Variants in TBCE observed in about 807,000 individuals in gnomAD.
The protein encoded by TBCE is tubulin-specific chaperone E.
In TBCE, 53 loss-of-function variants were observed where a neutral mutation model predicts 77.0. The observed-to-expected ratio is 0.69, with a 90% CI of 0.55 to 0.87. The LOEUF (loss-of-function observed/expected upper bound fraction) is 0.87. TBCE is among the 40% of genes least tolerant of loss of function. The pLI, the probability that TBCE is intolerant of heterozygous loss-of-function variation, is 0.00. For missense variants in TBCE, 624 were observed against 622.4 expected (o/e 1.00, Z -0.03); for synonymous variants, 235 against 241.3 (o/e 0.97, Z 0.24).
chr1:235,437,542 T>A, intron 12 of TBCE, 68 bp downstream of exon 12: 1 of 1,580,536 alleles, frequency 6.3e-7, no homozygotes, highest in South Asian at 1.1e-5. Context: ...CCAGGCGCCG[T>A]GGCTCACACC....
intron 1 of TBCE, among the ~76,000 whole-genome samples, chr1:235,378,477 G>A (rs1044077098): frequency 5.3e-5 from 8 of 152,152 alleles, no homozygotes; most frequent in Admixed American, 2.6e-4. Flanking sequence ...GCCTGCCTTG[G>A]CCTCCCAAAG....
At chr1:235,382,308 G>A (rs1463602826) in intron 2 of TBCE, among the ~76,000 whole-genome samples, 85 of 151,406 alleles carry the variant, frequency 5.6e-4, no homozygotes, top group African/African-American at 1.8e-3. Context: ...AGCATGATTT[G>A]TAGTCCTTTG....
In TBCE at chr1:235,450,253, TCCACAGTTCCGTCAGTTC is replaced by T; in HGVS notation, c.*1496_*1513del. On this transcript the variant is annotated 3_prime_UTR_variant, in exon 17 of 17. Coordinates refer to ENST00000642610, the MANE Select transcript of TBCE (RefSeq NM_003193.5). ...GGATCACCGCACCGTTCCTTCAGTT[TCCACAGTTCCGTCAGTTC>T]CCACGGAGAATACTGAGGAGAAGAC... The T allele has an allele frequency of 1.2e-6, 2 of 1,614,172 alleles. No individual in the cohort carries two copies. Among genetic ancestry groups the T allele is most frequent in the Non-Finnish European group, 1.7e-6 (2 of 1,180,006 alleles).
chr1:235,450,103 G>C lies in TBCE; in HGVS notation c.*1341G>C, dbSNP rs548504968. The C allele has an allele frequency of 2.8e-4, 389 of 1,406,174 alleles. 5 individuals are homozygous for C. The South Asian group carries it at 4.6e-3, about 17-fold the overall frequency. 87.1% of individuals were successfully genotyped at this position (1,406,174 alleles called of 1,614,324 possible). ...GAAAGTGCCAGTCTGGAACTCTCTT[G>C]AAAGACCATACAGTCTACTGCTAAA... is the stretch of plus-strand genomic sequence containing the variant. On this transcript the variant is annotated 3_prime_UTR_variant, in exon 17 of 17. Transcript: ENST00000642610.
Position 235,441,799 on chromosome 1 carries a change from T to G in TBCE, c.1271-15T>G, listed in dbSNP as rs910364188. On this transcript the variant is annotated splice_polypyrimidine_tract_variant and intron_variant, in intron 13 of 16. Transcript: ENST00000642610. The stretch of plus-strand genomic sequence containing the variant: ...CCTTTGGTTTATCATTCATCTCTTT[T>G]GCTTTCTTAAACAGAATATGGTGCA... 6.4e-5 allele frequency: 103 copies of G among 1,613,274 alleles called. No individual in the cohort carries two copies. Among genetic ancestry groups the G allele is most frequent in the Non-Finnish European group, 8.6e-5 (102 of 1,179,438 alleles).
chr1:235,448,007 A>C (rs556462897), intron 15 of TBCE, among the ~76,000 whole-genome samples: 6 of 151,986 alleles, frequency 3.9e-5, no homozygotes, highest in African/African-American at 1.2e-4. Flanking sequence ...TCAGGAGTTC[A>C]AGACCAGCCT....
chr1:235,375,808 C>T (rs527819655), intron 1 of TBCE, among the ~76,000 whole-genome samples: 1 of 151,998 alleles, frequency 6.6e-6, no homozygotes, highest in Admixed American at 6.6e-5. Flanking sequence ...TTTGGGAGGC[C>T]GAGATGGGTG....
In TBCE at chr1:235,419,553, C is replaced by G. The variant is rs771313469; in HGVS notation, c.452C>G (p.Ala151Gly). The G allele has an allele frequency of 3.1e-6, 5 of 1,614,034 alleles. No homozygotes were observed. Among genetic ancestry groups the G allele is most frequent in the East Asian group, 4.5e-5 (2 of 44,868 alleles). ...GGTGAAAAAGGAGGAGTTGCTGAAG[C>G]ATGTCCTAGTATCCTTTTCACCGAG... Reference protein sequence around the residue: ...CAGEKGGVAEACPNIRKVDLS... With the variant: ...CAGEKGGVAEGCPNIRKVDLS... Residue 151 changes from alanine to glycine, a missense_variant, in exon 5 of 17, where the codon GCA (alanine) becomes GGA (glycine). Physicochemically the swap from Ala to Gly is moderately conservative, Grantham distance 60. Transcript: ENST00000642610.
chr1:235,447,106 A>AATC (rs1231873899), intron 15 of TBCE, among the ~76,000 whole-genome samples: 1 of 152,204 alleles, frequency 6.6e-6, no homozygotes, highest in Non-Finnish European at 1.5e-5. Context: ...AGTCCGTCTC[A>AATC]ATCTTTTGAA....
chr1:235,434,059 G>A lies in TBCE; in HGVS notation c.661-145G>A, dbSNP rs1681268083. Reference sequence around the variant, plus strand: ...TTATCACCCCCCACCACTATTCCAGGCCTGAAACAGTCTTATGAACTGTCC... The same window carrying A: ...TTATCACCCCCCACCACTATTCCAGACCTGAAACAGTCTTATGAACTGTCC... On this transcript the variant is annotated intron_variant, in intron 7 of 16. Coordinates refer to ENST00000642610, the MANE Select transcript of TBCE (RefSeq NM_003193.5). 4 of 770,290 alleles carry A rather than the reference G, an allele frequency of 5.2e-6. No individual in the cohort carries two copies. The South Asian group carries it at 5.5e-5, about 11-fold the overall frequency. 47.7% of individuals were successfully genotyped at this position (770,290 alleles called of 1,614,324 possible).
intron 3 of TBCE, among the ~76,000 whole-genome samples, chr1:235,412,269 C>T (rs72759722): frequency 0.043 from 1,956 of 45,574 alleles, 170 homozygotes; most frequent in Middle Eastern, 0.083. Flanking sequence ...TTCCATCTGT[C>T]GCCCAGGCTA....
At chr1:235,427,366 G>A in intron 6 of TBCE, 127 bp downstream of exon 6, 1 of 736,884 alleles carries the variant, frequency 1.4e-6, no homozygotes, top group Non-Finnish European at 2.4e-6. Flanking sequence ...TGATACAGGA[G>A]TTAAGAAGGA....
At chr1:235,436,483 C>G (rs752918648) in intron 10 of TBCE, 33 bp downstream of exon 10, 1 of 1,610,734 alleles carries the variant, frequency 6.2e-7, no homozygotes, top group South Asian at 1.1e-5. Flanking sequence ...CCCACTGCCC[C>G]CCCACACTAT....
At position 235,450,814 on chromosome 1, in the gene TBCE, T is replaced by TTA. The variant is rs1558405045; in HGVS notation, c.*2052_*2053insTA. The TTA allele has an allele frequency of 6.5e-6, 1 of 153,286 alleles. No individual in the cohort carries two copies. The highest frequency in any genetic ancestry group is 1.5e-5 in the Non-Finnish European group (1 of 68,868). The allele number at this position is 153,286 out of a possible 1,614,324, so 9.5% of individuals were successfully genotyped here. ...AACAATTGAGGAACAAACGAAGAGT[T>TTA]AAAAAACTTGTTCCAGGTCACAGGG... On this transcript the variant is annotated 3_prime_UTR_variant, in exon 17 of 17. Transcript: ENST00000642610.
At position 235,380,247 on chromosome 1, in the gene TBCE, T is replaced by C; in HGVS notation, c.100+98T>C. On this transcript the variant is annotated intron_variant, in intron 2 of 16. Transcript: ENST00000642610. ...AGCTGTTTCTGTGTAAGCTTCTCAG[T>C]AGCACTTTATACCACAAATTTTGAC... is the stretch of plus-strand genomic sequence containing the variant. The C allele has an allele frequency of 8.3e-6, 10 of 1,202,040 alleles. No homozygotes were observed. The South Asian group carries it at 1.2e-4, about 15-fold the overall frequency. The allele number at this position is 1,202,040 out of a possible 1,614,324, so 74.5% of individuals were successfully genotyped here.
chr1:235,373,870 C>T (rs1417546264), intron 1 of TBCE, among the ~76,000 whole-genome samples: 1 of 145,780 alleles, frequency 6.9e-6, no homozygotes, highest in African/African-American at 2.6e-5. Context: ...AGGATGGTCT[C>T]GATCTCCTGA....
intron 2 of TBCE, among the ~76,000 whole-genome samples, chr1:235,383,866 G>A (rs2102820831): frequency 6.6e-6 from 1 of 151,998 alleles, no homozygotes; most frequent in South Asian, 2.1e-4. Flanking sequence ...GAATAGGAGT[G>A]GTGAGAGAGG....
intron 1 of TBCE, among the ~76,000 whole-genome samples, chr1:235,368,894 T>C (rs894051294): frequency 2.6e-5 from 4 of 152,120 alleles, no homozygotes; most frequent in African/African-American, 9.7e-5. Context: ...GCAGGTTTAT[T>C]GGATTTACAT....
rs187026854 is a variant in TBCE at position 235,443,450 on chromosome 1, G to A, written c.1399+539G>A. Among the ~76,000 whole-genome samples the A allele has an allele frequency of 6.8e-3, 1,041 of 152,212 alleles. 12 individuals carry two copies. The highest frequency in any genetic ancestry group is 0.024 in the African/African-American group (991 of 41,528). On this transcript the variant is annotated intron_variant, in intron 15 of 16. Coordinates refer to ENST00000642610, the MANE Select transcript of TBCE (RefSeq NM_003193.5). ...TTCCTGAGCTCAAAGCCATCCTCCT[G>A]CCTCAGCCTCCCAGTGTTGGAATTA...
Sources: allele counts gnomAD v4.1 joint callset (sites outside exome capture counted in the v4.1 genomes callset), GRCh38; gene constraint gnomAD v4.1.1; transcripts MANE v1.5; gene names NCBI Gene and HGNC (gene_info 2026-07-23, HGNC 2026-07-21).